Variants in MYO19 observed in about 807,000 individuals in gnomAD.
MYO19 encodes myosin XIX, also known as unconventional myosin-XIX.
In MYO19, 132 loss-of-function variants were observed where a neutral mutation model predicts 129.2. The ratio of observed to expected loss-of-function variants is 1.02; its 90% CI spans 0.89 to 1.18. MYO19 has a LOEUF of 1.18. MYO19 is among the 50% of genes most tolerant of loss of function. The pLI, the probability that MYO19 is intolerant of heterozygous loss-of-function variation, is 0.00. For missense variants in MYO19, 1,210 were observed against 1,216.7 expected (o/e 0.99, Z 0.08); for synonymous variants, 531 against 477.2 (o/e 1.11, Z -1.47).
At chr17:36,498,138 C>G in intron 25 of MYO19, 128 bp downstream of exon 25, 1 of 1,006,112 alleles carries the variant, frequency 9.9e-7, no homozygotes, top group Non-Finnish European at 1.4e-6. Context: ...ATGCAGCCCT[C>G]TGGTTTACCC....
intron 11 of MYO19, 134 bp from the exon 12 acceptor site, chr17:36,511,589 G>T: frequency 2.6e-6 from 2 of 759,434 alleles, no homozygotes; most frequent in Non-Finnish European, 4.5e-6. Flanking sequence ...GCCCATCTCT[G>T]CCAGACACAA....
At chr17:36,515,556 T>C (rs547999329) in intron 7 of MYO19, among the ~76,000 whole-genome samples, 62 of 152,260 alleles carry the variant, frequency 4.1e-4, no homozygotes, top group Middle Eastern at 3.4e-3. Context: ...GTACCCTTCA[T>C]TGAACCATCA....
intron 5 of MYO19, among the ~76,000 whole-genome samples, chr17:36,525,919 G>C (rs79247588): frequency 6.6e-6 from 1 of 152,224 alleles, no homozygotes; most frequent in East Asian, 1.9e-4. Context: ...TTACTTTTCC[G>C]GAGGCAGGGC....
At chr17:36,513,284 G>C (rs906446904) in intron 11 of MYO19, 145 bp downstream of exon 11, 2 of 1,523,514 alleles carry the variant, frequency 1.3e-6, no homozygotes, top group African/African-American at 2.7e-5. Flanking sequence ...CAGAACAGAG[G>C]TGACTGATTC....
In MYO19 at chr17:36,511,358, C is replaced by A. The variant is rs1286200455; in HGVS notation, c.985+7G>T. 3 of 1,570,192 alleles carry A rather than the reference C, an allele frequency of 1.9e-6. No homozygotes were observed. Among genetic ancestry groups the A allele is most frequent in the East Asian group, 2.4e-5 (1 of 42,278 alleles). On this transcript the variant is annotated splice_region_variant and intron_variant, in intron 12 of 25. Coordinates refer to ENST00000614623, the MANE Select transcript of MYO19 (RefSeq NM_001163735.2). ...GGGCCTGCCCCATCCTACACCCTGA[C>A]CCTCACACTTGGCATCATCCATCGG...
At chr17:36,499,654 C>CTTTTTCTTTTT (rs1260911885) in intron 23 of MYO19, 4 of 73,090 alleles carry the variant, frequency 5.5e-5, no homozygotes, top group African/African-American at 2.4e-4. Context: ...TATTCTTTTT[C>CTTTTTCTTTTT]TTTTTGTTTC....
intron 1 of MYO19, among the ~76,000 whole-genome samples, chr17:36,542,466 G>A (rs1017778468): frequency 6.6e-6 from 1 of 152,068 alleles, no homozygotes; most frequent in Non-Finnish European, 1.5e-5. Context: ...TTGGGAGGCC[G>A]AGGCGGGCGG....
chr17:36,518,340 C>T (rs146350052), intron 6 of MYO19, among the ~76,000 whole-genome samples: 2,587 of 150,142 alleles, frequency 0.017, 36 homozygotes, highest in Non-Finnish European at 0.026. Flanking sequence ...ACTAAAAATA[C>T]AAAAATTAGC....
intron 2 of MYO19, among the ~76,000 whole-genome samples, chr17:36,540,370 G>A (rs1696354237): frequency 6.7e-6 from 1 of 149,612 alleles, no homozygotes; most frequent in South Asian, 2.1e-4. Context: ...ATATTCTACT[G>A]TCTTTTTTTT....
Position 36,521,804 on chromosome 17 carries a change from G to A in MYO19, c.414+3424C>T, listed in dbSNP as rs575949091. Among the ~76,000 whole-genome samples, 40 of 151,250 alleles carry A rather than the reference G, an allele frequency of 2.6e-4. No individual in the cohort carries two copies. In the Middle Eastern group the frequency reaches 0.014, roughly 52 times the overall value. On this transcript the variant is annotated intron_variant, in intron 6 of 25. Transcript: ENST00000614623. ...TCCCAGCACTTTGGGAGGCCGGGGA[G>A]GGTGGATCACGAGGTCAAGAGATCG...
intron 11 of MYO19, among the ~76,000 whole-genome samples, chr17:36,511,930 C>G (rs900353301): frequency 1.3e-5 from 2 of 152,132 alleles, no homozygotes; most frequent in Non-Finnish European, 2.9e-5. Context: ...CTGCTGGAGG[C>G]ACTGTGACCT....
chr17:36,496,473 C>T lies in MYO19; in HGVS notation c.2758-67G>A, dbSNP rs1245148297. ...GGAGTGCCAGGGCCTAACAACCCCACAGAGCAGACGCTAAAAATGCAAGAA... is the reference window on the plus strand; with the variant it reads ...GGAGTGCCAGGGCCTAACAACCCCATAGAGCAGACGCTAAAAATGCAAGAA... On this transcript the variant is annotated intron_variant, in intron 25 of 25. Coordinates refer to ENST00000614623, the MANE Select transcript of MYO19 (RefSeq NM_001163735.2). The T allele has an allele frequency of 6.6e-6, 10 of 1,514,098 alleles. No individual in the cohort carries two copies. The East Asian group carries it at 1.4e-4, about 21-fold the overall frequency. 93.8% of individuals were successfully genotyped at this position (1,514,098 alleles called of 1,614,324 possible).
intron 6 of MYO19, among the ~76,000 whole-genome samples, chr17:36,517,818 G>T (rs2072856300): frequency 6.6e-6 from 1 of 152,066 alleles, no homozygotes. Flanking sequence ...GCCAGGTGCG[G>T]TGGCTCACGC....
Position 36,512,618 on chromosome 17 carries a change from G to T in MYO19, c.894+811C>A, listed in dbSNP as rs757014300. 3.1e-6 allele frequency: 4 copies of T among 1,286,388 alleles called. 1 individual carries two copies. The South Asian group carries it at 5.0e-5, about 16-fold the overall frequency. The allele number at this position is 1,286,388 out of a possible 1,614,324, so 79.7% of individuals were successfully genotyped here. A position where few individuals can be genotyped will look rare whatever the true frequency, so the allele number is the denominator to read the frequency against. On this transcript the variant is annotated intron_variant, in intron 11 of 25. Transcript: ENST00000614623. ...ACTCCCAGTGTTGTCCACTTATCCTGGGCTTGTCCCCAGGTACTGTCCTTC... is the reference window on the plus strand; with the variant it reads ...ACTCCCAGTGTTGTCCACTTATCCTTGGCTTGTCCCCAGGTACTGTCCTTC...
Position 36,511,384 on chromosome 17 carries a change from C to G in MYO19, c.966G>C (p.Gln322His), listed in dbSNP as rs1418312588. The change falls in exon 12 of 26, where the codon CAG becomes CAC. Residue 322 changes from glutamine to histidine, a missense_variant. Physicochemically the swap from Gln to His is conservative, Grantham distance 24. Coordinates refer to ENST00000614623, the MANE Select transcript of MYO19 (RefSeq NM_001163735.2). Reference sequence around the variant, plus strand: ...CCTCACACTTGGCATCATCCATCGGCTGGCAGGGCTGGGCTTCATCCTCGG... The same window carrying G: ...CCTCACACTTGGCATCATCCATCGGGTGGCAGGGCTGGGCTTCATCCTCGG... ...AASEDEAQPC[Q>H]PMDDAKYSVR... The G allele has an allele frequency of 6.3e-7, 1 of 1,577,250 alleles. No individual in the cohort carries two copies. The highest frequency in any genetic ancestry group is 8.6e-7 in the Non-Finnish European group (1 of 1,161,692).
At chr17:36,525,402 G>A (rs1050172461) in intron 5 of MYO19, 61 bp from the exon 6 acceptor site, 17 of 1,242,486 alleles carry the variant, frequency 1.4e-5, no homozygotes, top group Non-Finnish European at 1.9e-5. Context: ...TGATGACTGA[G>A]CCAATGATGA....
intron 21 of MYO19, among the ~76,000 whole-genome samples, chr17:36,502,260 G>A (rs748526970): frequency 2.6e-5 from 4 of 152,158 alleles, no homozygotes; most frequent in Non-Finnish European, 5.9e-5. Context: ...CCATATGAGG[G>A]CCTCCAGATC....
chr17:36,538,154 C>T (rs755604523), upstream of MYO19: 1 of 1,614,102 alleles, frequency 6.2e-7, no homozygotes, highest in Admixed American at 1.7e-5. Flanking sequence ...TTAGCCTCTT[C>T]ATATCTCTTT....
At chr17:36,506,637 A>T (rs2071910598) in intron 17 of MYO19, 29 bp from the exon 18 acceptor site, 4 of 1,513,386 alleles carry the variant, frequency 2.6e-6, no homozygotes, top group Non-Finnish European at 3.5e-6. Context: ...AGCAGCAGTG[A>T]GGGCAGGTGG....
Sources: gnomAD v4.1 joint callset for allele counts (sites outside exome capture counted in the v4.1 genomes callset) on GRCh38, gnomAD v4.1.1 for gene constraint, MANE v1.5 for transcripts, NCBI Gene and HGNC (gene_info 2026-07-23, HGNC 2026-07-21) for gene names.